The following ZMPSTE24 variants were observed in gnomAD, a reference collection of about 807,000 sequenced individuals.
ZMPSTE24 encodes the protein CAAX prenyl protease 1 homolog.
In ZMPSTE24, 48 loss-of-function variants were observed where a neutral mutation model predicts 56.7. The ratio of observed to expected loss-of-function variants is 0.85; its 90% CI spans 0.67 to 1.08. The LOEUF (loss-of-function observed/expected upper bound fraction) is 1.08, where lower values mean the gene tolerates loss of function less well. ZMPSTE24 is among the 50% of genes least tolerant of loss of function. The probability of loss-of-function intolerance (pLI) is 0.00; values close to 1 mark genes in which losing one functional copy is unlikely to be tolerated. For synonymous variants in ZMPSTE24, 172 were observed against 195.2 expected (o/e 0.88, Z 0.99); for missense variants, 503 against 548.7 (o/e 0.92, Z 0.83).
chr1:40,260,055 CTTTTTT>C (rs11383054), intron 1 of ZMPSTE24, among the ~76,000 whole-genome samples: 12 of 84,362 alleles, frequency 1.4e-4, no homozygotes, highest in African/African-American at 5.4e-4. Context: ...GATCTTTCTC[CTTTTTT>C]TTTTTTTTTT....
In ZMPSTE24 at chr1:40,260,857, A is replaced by T. The variant is rs762503258; in HGVS notation, c.142A>T (p.Thr48Ser). The T allele has an allele frequency of 3.7e-6, 6 of 1,613,826 alleles. No individual in the cohort carries two copies. The highest frequency in any genetic ancestry group is 3.3e-5 in the Admixed American group (2 of 60,006). ...ATTTCAGAGAAGGATATATAAAACA[A>T]CAACTCATGTACCACCGGAGTTAGG... The part of the protein sequence containing the change: ...AQRQRRIYKT[T>S]THVPPELGQI... The change falls in exon 2 of 10, where the codon ACA (threonine) becomes TCA (serine). Residue 48 changes from threonine (T) to serine (S), a missense_variant. Coordinates refer to ENST00000372759, the MANE Select transcript of ZMPSTE24 (RefSeq NM_005857.5).
At chr1:40,266,599 C>T (rs572706969) in intron 2 of ZMPSTE24, among the ~76,000 whole-genome samples, 63 of 152,200 alleles carry the variant, frequency 4.1e-4, no homozygotes, top group African/African-American at 1.3e-3. Flanking sequence ...CAGATAATCC[C>T]ATTCTGTTCC....
In ZMPSTE24 at chr1:40,283,942, T is replaced by TC. The variant is rs59600952; in HGVS notation, c.955-1983_955-1982insC. Among the ~76,000 whole-genome samples the TC allele has an allele frequency of 3.9e-3, 526 of 134,990 alleles. 13 individuals carry two copies. The highest frequency in any genetic ancestry group is 0.03 in the East Asian group (155 of 5,128). The allele number at this position is 134,990 out of a possible 152,430, so 88.6% of individuals were successfully genotyped here. On this transcript the variant is annotated intron_variant, in intron 7 of 9. Coordinates refer to ENST00000372759, the MANE Select transcript of ZMPSTE24 (RefSeq NM_005857.5). ...TTTATTGTATTGAACTTTCTTTCTT[T>TC]TTTTTTTTTTTTTTGAGATGTAGTC... is the stretch of plus-strand genomic sequence containing the variant.
At chr1:40,291,142 C>G (rs545742278) in intron 9 of ZMPSTE24, 145 bp downstream of exon 9, 3 of 1,110,276 alleles carry the variant, frequency 2.7e-6, no homozygotes, top group Non-Finnish European at 3.8e-6. Flanking sequence ...ATTCACTGGT[C>G]AGTATGACAA....
chr1:40,293,272 A>C lies in ZMPSTE24; in HGVS notation c.*603A>C, dbSNP rs565509189. The C allele has an allele frequency of 7.9e-5, 12 of 152,436 alleles. No individual in the cohort carries two copies. The highest frequency in any genetic ancestry group is 2.2e-4 in the African/African-American group (9 of 41,582). 9.4% of individuals were successfully genotyped at this position (152,436 alleles called of 1,614,324 possible). A position where few individuals can be genotyped will look rare whatever the true frequency, so the allele number is the denominator to read the frequency against. ...GCTACACAGTGATCAAGAGTTTCTCATAGTGCTTTGAAGTTAGAAATTATG... is the reference window on the plus strand; with the variant it reads ...GCTACACAGTGATCAAGAGTTTCTCCTAGTGCTTTGAAGTTAGAAATTATG... On this transcript the variant is annotated 3_prime_UTR_variant, in exon 10 of 10. Coordinates refer to ENST00000372759, the MANE Select transcript of ZMPSTE24 (RefSeq NM_005857.5).
At chr1:40,262,494 G>A (rs1384313658) in intron 2 of ZMPSTE24, among the ~76,000 whole-genome samples, 1 of 151,398 alleles carries the variant, frequency 6.6e-6, no homozygotes. Context: ...AGAGACAGAT[G>A]GAAGTAGAAG....
chr1:40,266,668 C>T (rs998338172), intron 2 of ZMPSTE24, among the ~76,000 whole-genome samples: 5 of 150,566 alleles, frequency 3.3e-5, no homozygotes, highest in African/African-American at 1.2e-4. Flanking sequence ...TGGAAAAGGA[C>T]TATTTTCTTT....
chr1:40,261,158 T>G (rs1175854973), intron 2 of ZMPSTE24, among the ~76,000 whole-genome samples, 173 bp downstream of exon 2: 1 of 152,202 alleles, frequency 6.6e-6, no homozygotes, highest in East Asian at 1.9e-4. Flanking sequence ...CTTAGTCAGT[T>G]GAAAACTATA....
chr1:40,268,288 T>G, intron 3 of ZMPSTE24, 131 bp from the exon 4 acceptor site: 1 of 734,162 alleles, frequency 1.4e-6, no homozygotes, highest in South Asian at 1.5e-5. Context: ...GGGATGATAT[T>G]TCAGACCTTA....
chr1:40,284,920 A>T, intron 7 of ZMPSTE24, among the ~76,000 whole-genome samples: 1 of 137,382 alleles, frequency 7.3e-6, no homozygotes. Context: ...ATGTCAAAAC[A>T]TCATCCCTTT....
At chr1:40,276,654 T>A (rs1439179118) in intron 6 of ZMPSTE24, among the ~76,000 whole-genome samples, 1 of 152,214 alleles carries the variant, frequency 6.6e-6, no homozygotes, top group Admixed American at 6.5e-5. Flanking sequence ...GAATATACAG[T>A]CATGCATTGC....
At chr1:40,273,517 A>C (rs113260486) in intron 6 of ZMPSTE24, among the ~76,000 whole-genome samples, 753 of 15,070 alleles carry the variant, frequency 0.05, 58 homozygotes, top group East Asian at 0.12. Context: ...AATTCTGTCT[A>C]AAAAAAAAAA....
chr1:40,263,859 C>T (rs1308945007), intron 2 of ZMPSTE24, among the ~76,000 whole-genome samples: 3 of 151,926 alleles, frequency 2.0e-5, no homozygotes, highest in African/African-American at 7.3e-5. Context: ...AAATTCCAGC[C>T]TCTCTGAGAC....
intron 6 of ZMPSTE24, among the ~76,000 whole-genome samples, chr1:40,273,124 G>A (rs1006850589): frequency 6.6e-6 from 1 of 152,184 alleles, no homozygotes; most frequent in African/African-American, 2.4e-5. Flanking sequence ...AGCAGTGTTA[G>A]ATGAAGGAAT....
chr1:40,266,776 T>TG (rs1643553458), intron 2 of ZMPSTE24, among the ~76,000 whole-genome samples: 1 of 144,446 alleles, frequency 6.9e-6, no homozygotes, highest in East Asian at 2.0e-4. Flanking sequence ...TTTTTTTTTT[T>TG]TTTTTTTTTT....
intron 2 of ZMPSTE24, 68 bp from the exon 3 acceptor site, chr1:40,267,718 A>AC: frequency 8.2e-7 from 1 of 1,224,392 alleles, no homozygotes; most frequent in Non-Finnish European, 1.2e-6. Flanking sequence ...CTTTCTTTAT[A>AC]CCATGCTTTC....
At chr1:40,281,230 T>C (rs1643725565) in intron 6 of ZMPSTE24, 113 bp from the exon 7 acceptor site, 1 of 1,066,284 alleles carries the variant, frequency 9.4e-7, no homozygotes, top group African/African-American at 1.6e-5. Flanking sequence ...CTTCACATAT[T>C]AAATGATTTG....
intron 6 of ZMPSTE24, 23 bp from the exon 7 acceptor site, chr1:40,281,320 G>A (rs1643726455): frequency 6.2e-7 from 1 of 1,613,082 alleles, no homozygotes; most frequent in African/African-American, 1.3e-5. Context: ...TATATTCCAT[G>A]CTTTGAACTG....
chr1:40,275,429 G>C (rs1316548353), intron 6 of ZMPSTE24, among the ~76,000 whole-genome samples: 1 of 150,346 alleles, frequency 6.7e-6, no homozygotes, highest in Admixed American at 6.6e-5. Context: ...GCAAGACTCT[G>C]TCTCAAAAAA....
Sources: gnomAD v4.1 joint callset for allele counts (sites outside exome capture counted in the v4.1 genomes callset) on GRCh38, gnomAD v4.1.1 for gene constraint, MANE v1.5 for transcripts, NCBI Gene and HGNC (gene_info 2026-07-23, HGNC 2026-07-21) for gene names.